TENM3: variants seen among roughly 807,000 people sequenced by gnomAD.
The protein encoded by TENM3 is teneurin-3.
A neutral mutation model predicts 255.1 loss-of-function variants in TENM3; 63 were observed. The observed-to-expected ratio is 0.25, with a 90% CI of 0.20 to 0.30. TENM3 has a LOEUF of 0.30. Ranked by LOEUF, TENM3 falls within the 10% of genes least tolerant of loss-of-function variation. The probability of loss-of-function intolerance (pLI) is 1.00; values close to 1 mark genes in which losing one functional copy is unlikely to be tolerated. For synonymous variants in TENM3, 1,306 were observed against 1,322.3 expected (o/e 0.99, Z 0.27); for missense variants, 2,929 against 3,461.1 (o/e 0.85, Z 3.86).
Position 182,793,245 on chromosome 4 carries a change from G to A in TENM3, c.6573G>A (p.Leu2191=), listed in dbSNP as rs746013516. The change falls in exon 26 of 28, where the codon TTG becomes TTA. Residue 2191 remains leucine (L), a synonymous_variant. Coordinates refer to ENST00000511685, the MANE Select transcript of TENM3 (RefSeq NM_001080477.4). The surrounding 1 kb of genome is among the most constrained non-coding windows in gnomAD (Gnocchi z 5.7). ...GACTGGGTGATGTTCAATATCGGTT[G>A]GATGAAGATGGTTTCCTACGTCAAA... ...ITRLGDVQYR[L]DEDGFLRQRG... 1.9e-6 allele frequency: 3 copies of A among 1,613,884 alleles called. No homozygotes were observed. The highest frequency in any genetic ancestry group is 2.5e-6 in the Non-Finnish European group (3 of 1,179,808).
chr4:181,685,130 T>C, the TENM3 span, among the ~76,000 whole-genome samples: 1 of 152,090 alleles, frequency 6.6e-6, no homozygotes, highest in Non-Finnish European at 1.5e-5. Context: ...AGGAGTCAAT[T>C]AAGTGTGCAG....
the TENM3 span, among the ~76,000 whole-genome samples, chr4:181,642,441 G>T: frequency 6.6e-6 from 1 of 152,016 alleles, no homozygotes; most frequent in Non-Finnish European, 1.5e-5. Flanking sequence ...TCTGATGGTA[G>T]TTTCTTTTGC....
chr4:181,545,109 A>G, the TENM3 span, among the ~76,000 whole-genome samples: 2 of 152,242 alleles, frequency 1.3e-5, no homozygotes, highest in Non-Finnish European at 2.9e-5. Context: ...CGTTTCAGAT[A>G]CATTGAATGA....
At chr4:181,891,053 C>T in the TENM3 span, among the ~76,000 whole-genome samples, 1 of 152,124 alleles carries the variant, frequency 6.6e-6, no homozygotes, top group Non-Finnish European at 1.5e-5. Flanking sequence ...CTTTTGAAGG[C>T]ATACTCTCTG....
chr4:182,455,949 G>A (rs929624053), intron 3 of TENM3, among the ~76,000 whole-genome samples: 2 of 152,120 alleles, frequency 1.3e-5, no homozygotes, highest in Middle Eastern at 3.2e-3. Flanking sequence ...ACATTATCCT[G>A]TAGTCATTTG....
At chr4:181,498,766 T>A in the TENM3 span, among the ~76,000 whole-genome samples, 1 of 152,110 alleles carries the variant, frequency 6.6e-6, no homozygotes, top group East Asian at 1.9e-4. Context: ...ACTGATAGGA[T>A]TCAAGCAGAT....
intron 1 of TENM3, among the ~76,000 whole-genome samples, chr4:182,319,408 T>A (rs754589053): frequency 1.3e-5 from 2 of 152,222 alleles, no homozygotes; most frequent in Non-Finnish European, 2.9e-5. Flanking sequence ...AATATTGCAG[T>A]GTAGATTAAA....
At chr4:182,229,855 G>A (rs1756445573) in intron 1 of TENM3, among the ~76,000 whole-genome samples, 1 of 152,140 alleles carries the variant, frequency 6.6e-6, no homozygotes, top group African/African-American at 2.4e-5. Context: ...TAACATTGAA[G>A]AATGTTTCCA....
chr4:182,030,052 TTTG>T, the TENM3 span, among the ~76,000 whole-genome samples: 55 of 134,790 alleles, frequency 4.1e-4, no homozygotes, highest in African/African-American at 1.3e-3. Context: ...TCAATGCATC[TTTG>T]TTGTTGTTGT....
chr4:181,679,462 C>A, the TENM3 span, among the ~76,000 whole-genome samples: 1 of 152,034 alleles, frequency 6.6e-6, no homozygotes, highest in Non-Finnish European at 1.5e-5. Flanking sequence ...AACATTTTTT[C>A]TTACATAAAA....
intron 3 of TENM3, among the ~76,000 whole-genome samples, chr4:182,406,152 A>G (rs1401842874): frequency 1.3e-5 from 2 of 152,050 alleles, no homozygotes; most frequent in African/African-American, 4.8e-5. Flanking sequence ...CCAAAAATCC[A>G]AAACTAGCTG....
the TENM3 span, among the ~76,000 whole-genome samples, chr4:181,802,056 C>A: frequency 6.6e-6 from 1 of 152,126 alleles, no homozygotes; most frequent in Non-Finnish European, 1.5e-5. Flanking sequence ...ATGGTATGTA[C>A]ATGCTGATTT....
intron 24 of TENM3, among the ~76,000 whole-genome samples, chr4:182,786,140 G>C (rs1765637240): frequency 6.6e-6 from 1 of 152,146 alleles, no homozygotes; most frequent in Non-Finnish European, 1.5e-5. Context: ...CATACCTTCT[G>C]TCCAGATGCT....
At chr4:182,231,765 C>T (rs899057296) in intron 1 of TENM3, among the ~76,000 whole-genome samples, 18 of 152,200 alleles carry the variant, frequency 1.2e-4, no homozygotes, top group African/African-American at 4.3e-4. Context: ...CATGCTTGTA[C>T]ATCCCTGACA....
In TENM3 at chr4:182,672,211, G is replaced by A. The variant is rs528375542; in HGVS notation, c.1112-794G>A. Among the ~76,000 whole-genome samples the A allele has an allele frequency of 1.2e-4, 18 of 152,306 alleles. 1 individual carries two copies. In the South Asian group the frequency reaches 3.5e-3, roughly 30 times the overall value. ...GGAGTCTTGGATCTGTTTTCTAGAA[G>A]GAGGCCATGCAGGAAGAGAAGAGAT... On this transcript the variant is annotated intron_variant, in intron 6 of 27. Coordinates refer to ENST00000511685, the MANE Select transcript of TENM3 (RefSeq NM_001080477.4).
In TENM3 at chr4:182,652,122, A is replaced by T. The variant is rs143342540; in HGVS notation, c.989-1649A>T. On this transcript the variant is annotated intron_variant, in intron 5 of 27. Transcript: ENST00000511685. The stretch of plus-strand genomic sequence containing the variant: ...AGATTTTTAAAATCTCAGAAAATAG[A>T]ATATTCCTAACTTTAATTCATTTAT... 4.9e-3 allele frequency among the ~76,000 whole-genome samples: 752 copies of T among 152,338 alleles called. 5 individuals carry two copies. The highest frequency in any genetic ancestry group is 0.017 in the African/African-American group (720 of 41,576).
the TENM3 span, among the ~76,000 whole-genome samples, chr4:181,594,806 C>A: frequency 6.6e-6 from 1 of 152,150 alleles, no homozygotes; most frequent in East Asian, 1.9e-4. Context: ...AGAATTCTTG[C>A]TTTCTTCCCC....
the TENM3 span, among the ~76,000 whole-genome samples, chr4:181,496,296 C>A: frequency 7.7e-6 from 1 of 130,016 alleles, no homozygotes; most frequent in Non-Finnish European, 1.5e-5. Flanking sequence ...GAAAGCTATT[C>A]AACACTTATC....
chr4:182,798,838 C>A (rs1766684590), intron 27 of TENM3, among the ~76,000 whole-genome samples: 1 of 152,300 alleles, frequency 6.6e-6, no homozygotes, highest in Middle Eastern at 3.4e-3. Context: ...CTGTTTCTTT[C>A]ATTGCCGCAA....
Sources: gnomAD v4.1 joint callset for allele counts (sites outside exome capture counted in the v4.1 genomes callset) on GRCh38, gnomAD v4.1.1 for gene constraint, Gnocchi (gnomAD v3.1) non-coding constraint, MANE v1.5 for transcripts, NCBI Gene and HGNC (gene_info 2026-07-23, HGNC 2026-07-21) for gene names.